Variants in PVT1 observed in about 807,000 individuals in gnomAD.
The protein encoded by PVT1 is CXCR4/PVT1 fusion.
chr8:127,795,577 G>A lies in PVT1; in HGVS notation n.195-317G>A, dbSNP rs143146451. ...TCTGGTATTAGGTTTTCCAGAGAGA[G>A]GCTGTTAGCCTGTCTCTCGCCCACT... On this transcript the variant is annotated intron_variant and non_coding_transcript_variant, in intron 1 of 10. Coordinates refer to ENST00000651587, the Ensembl canonical transcript of PVT1. 2.8e-3 allele frequency among the ~76,000 whole-genome samples: 425 copies of A among 152,302 alleles called. 2 individuals carry two copies. The highest frequency in any genetic ancestry group is 5.4e-3 in the South Asian group (26 of 4,826).
At chr8:127,988,086 C>T (rs977826719) in intron 3 of PVT1, among the ~76,000 whole-genome samples, 6 of 152,182 alleles carry the variant, frequency 3.9e-5, no homozygotes, top group Non-Finnish European at 7.3e-5. Flanking sequence ...ATATGACAAC[C>T]AGAGTGCCTC....
At chr8:127,894,372 CCTT>C in intron 3 of PVT1, among the ~76,000 whole-genome samples, 1 of 152,198 alleles carries the variant, frequency 6.6e-6, no homozygotes, top group Admixed American at 6.5e-5. Context: ...TGCCAGTTCA[CCTT>C]CTAATCTGGC....
At chr8:128,050,882 G>T (rs1813686258) in intron 4 of PVT1, among the ~76,000 whole-genome samples, 1 of 152,178 alleles carries the variant, frequency 6.6e-6, no homozygotes, top group Non-Finnish European at 1.5e-5. Flanking sequence ...CACTTCCTCT[G>T]TGGGTTTTTC....
chr8:127,833,901 G>T (rs759815350), intron 2 of PVT1, among the ~76,000 whole-genome samples: 3 of 152,194 alleles, frequency 2.0e-5, no homozygotes, highest in Non-Finnish European at 2.9e-5. Context: ...AGAAGGGCTT[G>T]TTGAAACCCA....
intron 4 of PVT1, chr8:128,009,449 C>T (rs1817288167): frequency 6.6e-6 from 1 of 152,330 alleles, no homozygotes; most frequent in African/African-American, 2.4e-5. Context: ...TAAATTGCAC[C>T]CAAAGGGGAA....
At position 128,043,773 on chromosome 8, in the gene PVT1, T is replaced by TACACACAC. The variant is rs112991135; in HGVS notation, n.913-26363_913-26356dup. Among the ~76,000 whole-genome samples, 12 of 140,798 alleles carry TACACACAC rather than the reference T, an allele frequency of 8.5e-5. 1 individual carries two copies. The highest frequency in any genetic ancestry group is 3.3e-4 in the African/African-American group (12 of 36,212). The allele number at this position is 140,798 out of a possible 152,430, so 92.4% of individuals were successfully genotyped here. A position where few individuals can be genotyped will look rare whatever the true frequency, so the allele number is the denominator to read the frequency against. On this transcript the variant is annotated intron_variant and non_coding_transcript_variant, in intron 4 of 10. Coordinates refer to ENST00000651587, the Ensembl canonical transcript of PVT1. ...AGTATTATTTTCCCAAACTATTTCC[T>TACACACAC]ACACACACACACACACACACACACA...
Position 128,016,708 on chromosome 8 carries a change from G to T in PVT1, n.912+27417G>T, listed in dbSNP as rs149893226. Among the ~76,000 whole-genome samples, 205 of 152,348 alleles carry T rather than the reference G, an allele frequency of 1.3e-3. 2 individuals carry two copies. In the Middle Eastern group the frequency reaches 0.014, roughly 10 times the overall value. ...AGGGAGACGAAGATGAGTCATGCCT[G>T]TACTGCTCTTTAAACACTCACAATT... On this transcript the variant is annotated intron_variant and non_coding_transcript_variant, in intron 4 of 10. Transcript: ENST00000651587.
intron 3 of PVT1, among the ~76,000 whole-genome samples, chr8:127,942,640 T>C (rs1816366595): frequency 6.6e-6 from 1 of 152,166 alleles, no homozygotes; most frequent in Non-Finnish European, 1.5e-5. Context: ...AGCCACCTGG[T>C]GACAATGTTG....
intron 2 of PVT1, among the ~76,000 whole-genome samples, chr8:127,859,945 GT>G (rs1223091367): frequency 6.6e-6 from 1 of 151,902 alleles, no homozygotes; most frequent in Non-Finnish European, 1.5e-5. Flanking sequence ...CCCTCCTTTC[GT>G]GTGTCATCTC....
chr8:127,885,759 T>G (rs915375255), intron 2 of PVT1, among the ~76,000 whole-genome samples: 1 of 152,188 alleles, frequency 6.6e-6, no homozygotes, highest in Non-Finnish European at 1.5e-5. Flanking sequence ...ATGAGGAAAT[T>G]AAGGGTTAAA....
chr8:127,906,068 G>A, intron 3 of PVT1, among the ~76,000 whole-genome samples: 1 of 152,308 alleles, frequency 6.6e-6, no homozygotes, highest in Middle Eastern at 3.4e-3. Context: ...ACCTCAGAGC[G>A]GTTTGGAGAG....
Position 127,918,266 on chromosome 8 carries a change from A to G in PVT1, n.782+27268A>G, listed in dbSNP as rs115090669. On this transcript the variant is annotated intron_variant and non_coding_transcript_variant, in intron 3 of 10. Coordinates refer to ENST00000651587, the Ensembl canonical transcript of PVT1. ...AGTCCTGACTTTCCTGGTGGAGGGGATGTTCCTGGGGGTGTGGAACTGTGT... is the reference window on the plus strand; with the variant it reads ...AGTCCTGACTTTCCTGGTGGAGGGGGTGTTCCTGGGGGTGTGGAACTGTGT... Among the ~76,000 whole-genome samples, 532 of 152,182 alleles carry G rather than the reference A, an allele frequency of 3.5e-3. 3 individuals carry two copies. Among genetic ancestry groups the G allele is most frequent in the African/African-American group, 0.012 (489 of 41,536 alleles).
intron 5 of PVT1, among the ~76,000 whole-genome samples, chr8:128,094,730 G>A (rs901714293): frequency 6.6e-6 from 1 of 152,260 alleles, no homozygotes; most frequent in African/African-American, 2.4e-5. Flanking sequence ...TTCACAGAGG[G>A]CTCTTTTATT....
chr8:128,036,224 T>G (rs915746347), intron 4 of PVT1, among the ~76,000 whole-genome samples: 1 of 152,228 alleles, frequency 6.6e-6, no homozygotes, highest in Non-Finnish European at 1.5e-5. Flanking sequence ...CAGGTTTGTC[T>G]GTCATCTGAT....
rs1209669285 is a variant in PVT1, at chr8:127,817,491, G to GTA, written n.372+21425_372+21426dup. ...TATATATATATGTGTGTGTGTGTGTGTATATACATATATATTTAAATAGAT... is the reference window on the plus strand; with the variant it reads ...TATATATATATGTGTGTGTGTGTGTGTATATATACATATATATTTAAATAGAT... On this transcript the variant is annotated intron_variant and non_coding_transcript_variant, in intron 2 of 10. Transcript: ENST00000651587. Among the ~76,000 whole-genome samples the GTA allele has an allele frequency of 1.0e-3, 111 of 106,054 alleles. 2 individuals carry two copies. Among genetic ancestry groups the GTA allele is most frequent in the East Asian group, 4.1e-3 (16 of 3,912 alleles). The allele number at this position is 106,054 out of a possible 152,430, so 69.6% of individuals were successfully genotyped here. A position where few individuals can be genotyped will look rare whatever the true frequency, so the allele number is the denominator to read the frequency against.
At chr8:127,961,119 A>G (rs1816637996) in intron 3 of PVT1, among the ~76,000 whole-genome samples, 1 of 152,066 alleles carries the variant, frequency 6.6e-6, no homozygotes. Flanking sequence ...CAGGAGGGAG[A>G]CAGGAAAGGT....
At chr8:128,072,128 C>T (rs1424518668) in intron 5 of PVT1, among the ~76,000 whole-genome samples, 2 of 152,126 alleles carry the variant, frequency 1.3e-5, no homozygotes, top group Non-Finnish European at 2.9e-5. Context: ...AGTAGCAGGG[C>T]CATGATTTGA....
chr8:127,932,273 G>T (rs1816215875), intron 3 of PVT1, among the ~76,000 whole-genome samples: 2 of 152,218 alleles, frequency 1.3e-5, no homozygotes, highest in African/African-American at 4.8e-5. Context: ...CCATGTTTCT[G>T]CTCCTCTCCC....
intron 3 of PVT1, among the ~76,000 whole-genome samples, chr8:127,908,785 G>A (rs115265504): frequency 0.011 from 1,644 of 152,338 alleles, 23 homozygotes; most frequent in African/African-American, 0.036. Flanking sequence ...GGGAGGAAGG[G>A]CTGCGGAAGG....
Sources: allele counts gnomAD v4.1 joint callset (sites outside exome capture counted in the v4.1 genomes callset), GRCh38; gene constraint gnomAD v4.1.1; transcripts MANE v1.5; gene names NCBI Gene and HGNC (gene_info 2026-07-23, HGNC 2026-07-21).